Variants in CRB1 observed in about 807,000 individuals in gnomAD.
CRB1 encodes protein crumbs homolog 1.
In CRB1, 83 loss-of-function variants were observed where a neutral mutation model predicts 120.0. That is an observed-to-expected ratio of 0.69 (90% CI 0.58 to 0.83). CRB1 has a LOEUF of 0.83. CRB1 is among the 40% of genes least tolerant of loss of function. CRB1 has a pLI of 0.00. For synonymous variants in CRB1, 625 were observed against 612.5 expected, an observed-to-expected ratio of 1.02 and a Z score of -0.30; for missense variants, 1,699 against 1,687.6, an observed-to-expected ratio of 1.01 and a Z score of -0.12.
At chr1:197,255,474 A>T in the CRB1 span, among the ~76,000 whole-genome samples, 10 of 151,976 alleles carry the variant, frequency 6.6e-5, no homozygotes, top group Non-Finnish European at 1.5e-5. Context: ...AAATTATTTG[A>T]TGTGAATCTA....
At chr1:197,465,884 T>A (rs997518481) in intron 11 of CRB1, among the ~76,000 whole-genome samples, 2 of 152,260 alleles carry the variant, frequency 1.3e-5, no homozygotes, top group Non-Finnish European at 2.9e-5. Context: ...ATTTCTGTGT[T>A]TGCTTTTTAA....
At chr1:197,224,651 G>T in the CRB1 span, among the ~76,000 whole-genome samples, 3 of 151,862 alleles carry the variant, frequency 2.0e-5, no homozygotes, top group South Asian at 2.1e-4. Flanking sequence ...ACCTTTTTTG[G>T]ATACCATATA....
At chr1:197,462,488 ATGGG>A (rs1383745710) in intron 11 of CRB1, among the ~76,000 whole-genome samples, 5 of 152,132 alleles carry the variant, frequency 3.3e-5, no homozygotes, top group Admixed American at 3.3e-4. Flanking sequence ...CCTCTTGGCA[ATGGG>A]TGACATGTGA....
chr1:197,204,140 G>A, the CRB1 span, among the ~76,000 whole-genome samples: 1 of 152,154 alleles, frequency 6.6e-6, no homozygotes, highest in Non-Finnish European at 1.5e-5. Context: ...TTATAGCTGA[G>A]TAGTAATCCA....
At chr1:197,339,463 G>A (rs1397616632) in intron 2 of CRB1, among the ~76,000 whole-genome samples, 1 of 152,152 alleles carries the variant, frequency 6.6e-6, no homozygotes, top group South Asian at 2.1e-4. Flanking sequence ...AAAATATTAT[G>A]CATAGAGGCC....
At chr1:197,453,756 A>C (rs1666103363) in intron 11 of CRB1, among the ~76,000 whole-genome samples, 1 of 145,066 alleles carries the variant, frequency 6.9e-6, no homozygotes, top group Non-Finnish European at 1.5e-5. Context: ...TTCTTCTTCT[A>C]CTTCCTCTTC....
chr1:197,450,318 A>G (rs1194156020), intron 11 of CRB1, among the ~76,000 whole-genome samples: 4 of 152,194 alleles, frequency 2.6e-5, no homozygotes, highest in African/African-American at 7.2e-5. Flanking sequence ...GACCACATCA[A>G]TTCAGAAGCG....
At chr1:197,235,948 T>G in the CRB1 span, among the ~76,000 whole-genome samples, 2 of 152,170 alleles carry the variant, frequency 1.3e-5, no homozygotes. Context: ...GAGGATTTCT[T>G]TATTTTACAT....
At chr1:197,292,442 A>G (rs1656243927) in intron 1 of CRB1, among the ~76,000 whole-genome samples, 1 of 152,170 alleles carries the variant, frequency 6.6e-6, no homozygotes, top group Non-Finnish European at 1.5e-5. Flanking sequence ...AAATAAGTCC[A>G]GGACTAGACA....
At chr1:197,458,794 T>G (rs1031963481) in intron 11 of CRB1, among the ~76,000 whole-genome samples, 1 of 152,080 alleles carries the variant, frequency 6.6e-6, no homozygotes, top group Admixed American at 6.6e-5. Flanking sequence ...GACAATACTT[T>G]CAAGGAAACT....
intron 1 of CRB1, among the ~76,000 whole-genome samples, chr1:197,274,238 A>G (rs562742534): frequency 6.6e-6 from 1 of 152,180 alleles, no homozygotes; most frequent in Non-Finnish European, 1.5e-5. Context: ...GCGGTATTGG[A>G]CTGTTAACCC....
At position 197,314,892 on chromosome 1, in the gene CRB1, C is replaced by A. The variant is rs1369638235; in HGVS notation, c.71-13530C>A. 2.6e-5 allele frequency among the ~76,000 whole-genome samples: 4 copies of A among 152,272 alleles called. No homozygotes were observed. The East Asian group carries it at 7.7e-4, about 29-fold the overall frequency. The stretch of plus-strand genomic sequence containing the variant: ...ATATCTGCTAGGCCCCTCAGAGACC[C>A]ATGATGATTAATGAGTCTTTTGAGC... On this transcript the variant is annotated intron_variant, in intron 1 of 11. Coordinates refer to ENST00000367400, the MANE Select transcript of CRB1 (RefSeq NM_201253.3).
chr1:197,247,455 A>C, the CRB1 span, among the ~76,000 whole-genome samples: 1 of 152,064 alleles, frequency 6.6e-6, no homozygotes, highest in Admixed American at 6.6e-5. Context: ...AACCAATAGT[A>C]TTATTTCCCA....
chr1:197,276,853 T>G (rs1384984707), intron 1 of CRB1, among the ~76,000 whole-genome samples: 1 of 151,930 alleles, frequency 6.6e-6, no homozygotes, highest in Non-Finnish European at 1.5e-5. Flanking sequence ...TTAGGACACC[T>G]TAAGCAAATG....
chr1:197,347,317 T>G (rs375065689), intron 3 of CRB1, 23 bp from the exon 4 acceptor site: 10 of 1,609,618 alleles, frequency 6.2e-6, no homozygotes, highest in Non-Finnish European at 8.5e-6. Flanking sequence ...AGAGTTGACA[T>G]GAAAATTTCA....
In CRB1 at chr1:197,477,722, T is replaced by G. The variant is rs1195116755; in HGVS notation, c.4064T>G (p.Leu1355Trp). ...ACTATTGGCTCAGTGACTGTCGCCT[T>G]GTTACTGATCCTCTTGCTGGCCATT... Reference protein sequence around the residue: ...FTTIGSVTVALLLILLLAIVA... With the variant: ...FTTIGSVTVAWLLILLLAIVA... The change falls in exon 12 of 12, where the codon TTG becomes TGG. Residue 1355 changes from leucine to tryptophan, a missense_variant. By Grantham distance (61) the Leu-to-Trp change is moderately conservative (BLOSUM62 -2). Transcript: ENST00000367400. The G allele has an allele frequency of 6.2e-7, 1 of 1,613,958 alleles. No individual in the cohort carries two copies. The highest frequency in any genetic ancestry group is 8.5e-7 in the Non-Finnish European group (1 of 1,179,886).
chr1:197,241,589 T>A, the CRB1 span, among the ~76,000 whole-genome samples: 479 of 152,302 alleles, frequency 3.1e-3, 4 homozygotes, highest in African/African-American at 0.011. Context: ...TACCATGCTG[T>A]TTTGGTTACT....
intron 5 of CRB1, among the ~76,000 whole-genome samples, chr1:197,412,998 C>T (rs545940043): frequency 8.5e-5 from 13 of 152,226 alleles, no homozygotes; most frequent in African/African-American, 3.1e-4. Flanking sequence ...ACAGTTACTG[C>T]CCCTCTCAGG....
chr1:197,398,918 G>A (rs1662917147), intron 5 of CRB1, among the ~76,000 whole-genome samples: 1 of 151,516 alleles, frequency 6.6e-6, no homozygotes, highest in South Asian at 2.1e-4. Context: ...GTGTGTGTGT[G>A]TGTGTGTGTG....
Sources: gnomAD v4.1 joint callset for allele counts (sites outside exome capture counted in the v4.1 genomes callset) on GRCh38, gnomAD v4.1.1 for gene constraint, MANE v1.5 for transcripts, NCBI Gene and HGNC (gene_info 2026-07-23, HGNC 2026-07-21) for gene names.